The following SYNE2 variants were observed in gnomAD, a reference collection of about 807,000 sequenced individuals.
SYNE2 encodes the protein nesprin-2.
In SYNE2, 431 loss-of-function variants were observed where a neutral mutation model predicts 856.3. That is an observed-to-expected ratio of 0.50 (90% confidence interval 0.47 to 0.55). The LOEUF (loss-of-function observed/expected upper bound fraction) is 0.55. Ranked by LOEUF, SYNE2 falls within the 20% of genes least tolerant of loss-of-function variation. The probability of loss-of-function intolerance (pLI) is 0.00; values close to 1 mark genes in which losing one functional copy is unlikely to be tolerated. For synonymous variants in SYNE2, 2,923 were observed against 2,872.3 expected (o/e 1.02, Z -0.56); for missense variants, 8,129 against 8,023.2 (o/e 1.01, Z -0.50).
At chr14:63,845,800 G>C (rs1413271907) in intron 1 of SYNE2, among the ~76,000 whole-genome samples, 2 of 149,550 alleles carry the variant, frequency 1.3e-5, no homozygotes, top group Non-Finnish European at 3.0e-5. Flanking sequence ...CAGTGCAGTG[G>C]TTTGATCTCA....
At chr14:64,112,518 T>C (rs2097819146) in intron 65 of SYNE2, among the ~76,000 whole-genome samples, 1 of 152,206 alleles carries the variant, frequency 6.6e-6, no homozygotes, top group African/African-American at 2.4e-5. Flanking sequence ...GTTGAACATA[T>C]CTAATATATA....
intron 8 of SYNE2, 63 bp downstream of exon 8, chr14:63,954,978 T>G (rs2096221985): frequency 7.5e-7 from 1 of 1,336,754 alleles, no homozygotes. Context: ...GATTTCAAAA[T>G]AGTATCTATA....
At chr14:64,224,880 G>A in intron 114 of SYNE2, 119 bp from the exon 115 acceptor site, 1 of 941,072 alleles carries the variant, frequency 1.1e-6, no homozygotes, top group Non-Finnish European at 1.7e-6. Flanking sequence ...AGTCTCCAAA[G>A]TTTGGCTGTA....
intron 57 of SYNE2, among the ~76,000 whole-genome samples, chr14:64,087,080 C>T (rs1449071489): frequency 7.8e-5 from 7 of 89,184 alleles, no homozygotes; most frequent in African/African-American, 2.7e-4. Context: ...ATGCTGTTGT[C>T]AGTGATAATT....
At chr14:64,216,205 C>G (rs1283204924) in intron 107 of SYNE2, 43 bp from the exon 108 acceptor site, 1 of 1,612,748 alleles carries the variant, frequency 6.2e-7, no homozygotes, top group Non-Finnish European at 8.5e-7. Flanking sequence ...GTGACCCGTT[C>G]AGTAGGAGAG....
intron 1 of SYNE2, among the ~76,000 whole-genome samples, chr14:63,784,006 CT>C (rs1167772017): frequency 1.3e-5 from 2 of 152,102 alleles, no homozygotes; most frequent in Non-Finnish European, 2.9e-5. Flanking sequence ...CACAGTTGCC[CT>C]CTATACCTGG....
chr14:63,779,752 A>C (rs1003235125), intron 1 of SYNE2, among the ~76,000 whole-genome samples: 8 of 152,088 alleles, frequency 5.3e-5, no homozygotes, highest in African/African-American at 1.9e-4. Context: ...TCTCTATTGC[A>C]AATACAAAAT....
intron 109 of SYNE2, among the ~76,000 whole-genome samples, chr14:64,218,924 CTG>C (rs989551831): frequency 2.0e-5 from 3 of 152,094 alleles, no homozygotes; most frequent in Non-Finnish European, 4.4e-5. Flanking sequence ...AAGGAGAAAA[CTG>C]AAAAAATTCA....
intron 2 of SYNE2, among the ~76,000 whole-genome samples, chr14:63,921,156 C>T (rs1249588309): frequency 6.6e-6 from 1 of 150,498 alleles, no homozygotes; most frequent in Non-Finnish European, 1.5e-5. Flanking sequence ...TATTCTTGGG[C>T]AAATCAGTAG....
chr14:63,901,531 G>A (rs553863508), intron 1 of SYNE2, among the ~76,000 whole-genome samples: 2 of 152,210 alleles, frequency 1.3e-5, no homozygotes, highest in Admixed American at 1.3e-4. Flanking sequence ...AAAAACCAGA[G>A]TAAATGCCAA....
intron 1 of SYNE2, among the ~76,000 whole-genome samples, chr14:63,781,350 TATAA>T (rs1887301605): frequency 6.6e-6 from 1 of 151,660 alleles, no homozygotes; most frequent in South Asian, 2.1e-4. Flanking sequence ...GGAAAAGAAG[TATAA>T]ATAAATATTG....
chr14:64,214,672 GA>G (rs929271036), intron 106 of SYNE2: 135 of 610,296 alleles, frequency 2.2e-4, no homozygotes, highest in African/African-American at 1.7e-3. Context: ...ATGAAAGGGG[GA>G]AAAAAAATGA....
intron 2 of SYNE2, among the ~76,000 whole-genome samples, chr14:63,937,118 G>A (rs185760137): frequency 6.6e-6 from 1 of 152,100 alleles, no homozygotes; most frequent in African/African-American, 2.4e-5. Context: ...GTGTGTCATC[G>A]AGGACCTTGA....
At chr14:64,223,477 C>T in intron 113 of SYNE2, 97 bp downstream of exon 113, 1 of 1,443,846 alleles carries the variant, frequency 6.9e-7, no homozygotes, top group South Asian at 1.2e-5. Flanking sequence ...AGGCCAGAAG[C>T]AAGGGCCAGG....
intron 95 of SYNE2, among the ~76,000 whole-genome samples, chr14:64,176,021 CTTTT>C (rs2098434288): frequency 6.6e-6 from 1 of 152,184 alleles, no homozygotes. Context: ...CCTTTGCTTT[CTTTT>C]GAGTTGAGTT....
chr14:64,136,195 C>G (rs948700962), intron 78 of SYNE2, among the ~76,000 whole-genome samples: 2 of 148,742 alleles, frequency 1.3e-5, no homozygotes, highest in African/African-American at 5.0e-5. Flanking sequence ...GAGACTTAGG[C>G]AGGAGAATCG....
intron 80 of SYNE2, among the ~76,000 whole-genome samples, chr14:64,140,791 CA>C (rs1452528056): frequency 2.6e-5 from 4 of 151,870 alleles, no homozygotes; most frequent in Non-Finnish European, 5.9e-5. Flanking sequence ...AAATATCCCC[CA>C]AATTTTGGGG....
intron 15 of SYNE2, 92 bp downstream of exon 15, chr14:63,980,824 A>G (rs2096580255): frequency 8.9e-7 from 1 of 1,127,780 alleles, no homozygotes; most frequent in South Asian, 1.4e-5. Context: ...TTTAGAAATT[A>G]GTTTTATGTG....
rs1214967482 is a variant in SYNE2 at position 64,219,096 on chromosome 14, G to GTTT, written c.19658-107_19658-105dup. ...CCTTCTGTCAGGGGAATCCCCTACA[G>GTTT]TTTTTTTGTTTTTTTTTTTTTTTTT... On this transcript the variant is annotated intron_variant, in intron 109 of 115. Coordinates refer to ENST00000555002, the MANE Select transcript of SYNE2 (RefSeq NM_182914.3). The GTTT allele has an allele frequency of 1.0e-3, 767 of 757,440 alleles. 14 individuals are homozygous for GTTT. The highest frequency in any genetic ancestry group is 4.6e-3 in the African/African-American group (166 of 35,700). The allele number at this position is 757,440 out of a possible 1,614,324, so 46.9% of individuals were successfully genotyped here.
Sources: allele counts gnomAD v4.1 joint callset (sites outside exome capture counted in the v4.1 genomes callset), GRCh38; gene constraint gnomAD v4.1.1; transcripts MANE v1.5; gene names NCBI Gene and HGNC (gene_info 2026-07-23, HGNC 2026-07-21).